MROH7: variants seen among roughly 807,000 people sequenced by gnomAD.
The protein encoded by MROH7 is maestro heat-like repeat-containing protein family member 7.
In MROH7, 113 loss-of-function variants were observed where a neutral mutation model predicts 129.2. The ratio of observed to expected loss-of-function variants is 0.87; its 90% CI spans 0.75 to 1.02. The LOEUF (loss-of-function observed/expected upper bound fraction) is 1.02. Ranked by LOEUF, MROH7 falls within the 50% of genes least tolerant of loss-of-function variation. MROH7 has a pLI of 0.00. For synonymous variants in MROH7, 655 were observed against 667.9 expected (o/e 0.98, Z 0.30); for missense variants, 1,601 against 1,671.3 (o/e 0.96, Z 0.73).
Position 54,679,933 on chromosome 1 carries a change from A to T in MROH7, c.2269A>T (p.Ile757Phe). 6.2e-7 allele frequency: 1 copy of T among 1,613,620 alleles called. No homozygotes were observed. Residue 757 changes from isoleucine (I) to phenylalanine (F), a missense_variant, in exon 13 of 24, where the codon ATC becomes TTC. Ile to Phe is a conservative substitution (Grantham distance 21). Transcript: ENST00000421030. ...MQGIYMQLSH[I>F]QEPRARQVAL... is the part of the protein sequence containing the mutation. The stretch of plus-strand genomic sequence containing the variant: ...AGGCATCTACATGCAGCTGAGCCAC[A>T]TCCAGGAGCCTCGGGCCCGCCAGGT...
chr1:54,699,193 CTTTCTT>C (rs1645390311), intron 17 of MROH7: 4 of 119,672 alleles, frequency 3.3e-5, no homozygotes, highest in Admixed American at 2.6e-4. Flanking sequence ...CTTTCTCTTT[CTTTCTT>C]TCTTTCTCTC....
chr1:54,691,925 A>G (rs1159318027), intron 15 of MROH7, among the ~76,000 whole-genome samples: 1 of 137,506 alleles, frequency 7.3e-6, no homozygotes, highest in Non-Finnish European at 1.5e-5. Context: ...TGCCAGGCAT[A>G]CAGTAGGATG....
chr1:54,699,148 T>G (rs568107729), intron 17 of MROH7: 7 of 96,838 alleles, frequency 7.2e-5, no homozygotes, highest in African/African-American at 2.3e-4. Flanking sequence ...CTTTCTTTCT[T>G]TCTTTCTTTC....
In MROH7 at chr1:54,702,618, C is replaced by G. The variant is rs368370793; in HGVS notation, c.3442-5C>G. 6.3e-7 allele frequency: 1 copy of G among 1,599,866 alleles called. No individual in the cohort carries two copies. The highest frequency in any genetic ancestry group is 8.5e-7 in the Non-Finnish European group (1 of 1,172,844). Reference sequence around the variant, plus strand: ...TTCTGATATTTTCTTCCTATTGGTTCCCAGAAGTGTGTGAAGACCCTGTTA... The same window carrying G: ...TTCTGATATTTTCTTCCTATTGGTTGCCAGAAGTGTGTGAAGACCCTGTTA... On this transcript the variant is annotated splice_polypyrimidine_tract_variant and splice_region_variant and intron_variant, in intron 20 of 23. Transcript: ENST00000421030.
intron 4 of MROH7, among the ~76,000 whole-genome samples, chr1:54,668,490 C>T (rs961236405): frequency 6.6e-6 from 1 of 152,264 alleles, no homozygotes; most frequent in African/African-American, 2.4e-5. Flanking sequence ...CAGAATGCCT[C>T]AATCTGACTT....
At position 54,706,437 on chromosome 1, in the gene MROH7, G is replaced by A. The variant is rs769734212; in HGVS notation, c.3567G>A (p.Val1189=). The A allele has an allele frequency of 6.2e-6, 10 of 1,608,570 alleles. No homozygotes were observed. The South Asian group carries it at 7.7e-5, about 12-fold the overall frequency. ...QTVAKICKCL[V]NTHRDSAFIF... is the part of the protein sequence containing the mutation. The stretch of plus-strand genomic sequence containing the variant: ...TTTGGGGTTTCTCTTTGTCCTAGGT[G>A]AACACCCACCGAGACAGCGCCTTCA... The change falls in exon 22 of 24, where the codon GTG becomes GTA. Residue 1189 remains valine, a splice_region_variant and synonymous_variant. Transcript: ENST00000421030.
chr1:54,706,364 C>T (rs763318131), intron 21 of MROH7, 71 bp from the exon 22 acceptor site: 4 of 1,142,554 alleles, frequency 3.5e-6, no homozygotes, highest in East Asian at 4.7e-5. Context: ...CCATTCCTAG[C>T]TTCAAGAAGG....
At chr1:54,672,843 C>T (rs371685488) in intron 7 of MROH7, among the ~76,000 whole-genome samples, 12 of 151,962 alleles carry the variant, frequency 7.9e-5, no homozygotes, top group Non-Finnish European at 1.3e-4. Flanking sequence ...GCTGGATCTC[C>T]GCTTCCCTCC....
chr1:54,656,923 A>G (rs1340423571), intron 3 of MROH7, among the ~76,000 whole-genome samples: 1 of 152,116 alleles, frequency 6.6e-6, no homozygotes, highest in African/African-American at 2.4e-5. Flanking sequence ...ACAATGACTC[A>G]TGCCTGTAAT....
At chr1:54,648,336 T>TTTTGTTTA (rs1644501629) in intron 1 of MROH7, among the ~76,000 whole-genome samples, 1 of 142,156 alleles carries the variant, frequency 7.0e-6, no homozygotes, top group South Asian at 2.3e-4. Context: ...TTGCATGCAA[T>TTTTGTTTA]TTTATTTATT....
At position 54,679,788 on chromosome 1, in the gene MROH7, G is replaced by C. The variant is rs538431198; in HGVS notation, c.2227-103G>C. Reference sequence around the variant, plus strand: ...CTCTCTCCTTTGGGCCTTCTCCCCTGTCCTCTAGCCTGTCACCCCCTTCCC... The same window carrying C: ...CTCTCTCCTTTGGGCCTTCTCCCCTCTCCTCTAGCCTGTCACCCCCTTCCC... On this transcript the variant is annotated intron_variant, in intron 12 of 23. Transcript: ENST00000421030. 2.6e-6 allele frequency: 3 copies of C among 1,167,168 alleles called. No homozygotes were observed. In the East Asian group the frequency reaches 7.1e-5, roughly 27 times the overall value. The allele number at this position is 1,167,168 out of a possible 1,614,324, so 72.3% of individuals were successfully genotyped here.
chr1:54,679,363 G>A lies in MROH7; in HGVS notation c.2150G>A (p.Arg717Lys). 1 of 1,614,144 alleles carries A rather than the reference G, an allele frequency of 6.2e-7. No homozygotes were observed. Among genetic ancestry groups the A allele is most frequent in the Non-Finnish European group, 8.5e-7 (1 of 1,180,038 alleles). Residue 717 changes from arginine (R) to lysine (K), a missense_variant, in exon 12 of 24, where the codon AGG becomes AAG. Physicochemically the swap from Arg to Lys is conservative, Grantham distance 26. Coordinates refer to ENST00000421030, the MANE Select transcript of MROH7 (RefSeq NM_001039464.4). Reference protein sequence around the residue: ...GSSEAPGKDSREMMQLASEVM... With the variant: ...GSSEAPGKDSKEMMQLASEVM... ...TCAGAGGCTCCAGGGAAGGACTCCA[G>A]GGAGATGATGCAGCTGGCCTCGGAG...
chr1:54,706,534 A>G lies in MROH7; in HGVS notation c.3664A>G (p.Ile1222Val). 6.2e-7 allele frequency: 1 copy of G among 1,610,044 alleles called. No homozygotes were observed. The highest frequency in any genetic ancestry group is 8.5e-7 in the Non-Finnish European group (1 of 1,176,966). Reference protein sequence around the residue: ...ASLRKCSVMFIGSLVPCMESI... With the variant: ...ASLRKCSVMFVGSLVPCMESI... ...CCTCCGGAAGTGCTCAGTCATGTTC[A>G]TAGGTAACCTGCCCTGGCATAAGTC... The change falls in exon 22 of 24, where the codon ATA (isoleucine) becomes GTA (valine). Residue 1222 changes from isoleucine to valine, a missense_variant. By Grantham distance (29) the Ile-to-Val change is conservative. Coordinates refer to ENST00000421030, the MANE Select transcript of MROH7 (RefSeq NM_001039464.4).
chr1:54,675,768 T>G (rs1168735971), intron 10 of MROH7, among the ~76,000 whole-genome samples: 2 of 151,482 alleles, frequency 1.3e-5, no homozygotes, highest in African/African-American at 2.4e-5. Flanking sequence ...TGGCTAAATT[T>G]TTTTTGTATT....
At chr1:54,665,297 C>A in intron 4 of MROH7, 57 bp downstream of exon 4, 1 of 1,410,428 alleles carries the variant, frequency 7.1e-7, no homozygotes, top group Non-Finnish European at 1.0e-6. Context: ...ATCCTGCCAA[C>A]CCCCTACCCC....
intron 11 of MROH7, 35 bp downstream of exon 11, chr1:54,678,889 G>C: frequency 1.3e-6 from 2 of 1,531,308 alleles, no homozygotes; most frequent in Non-Finnish European, 1.8e-6. Flanking sequence ...AGCGGAGGGT[G>C]GGGGGTGAGG....
intron 3 of MROH7, among the ~76,000 whole-genome samples, chr1:54,654,943 C>G (rs149962301): frequency 2.0e-3 from 300 of 151,672 alleles, no homozygotes; most frequent in Non-Finnish European, 3.6e-3. Context: ...GTCCATGCGC[C>G]AATACTATAT....
intron 3 of MROH7, among the ~76,000 whole-genome samples, chr1:54,658,178 G>A (rs1379131320): frequency 1.3e-5 from 2 of 151,978 alleles, no homozygotes; most frequent in Non-Finnish European, 2.9e-5. Context: ...CTCATATAAC[G>A]ACTTCATTCT....
chr1:54,648,376 A>ATTTTTTTT (rs566936628), intron 1 of MROH7, among the ~76,000 whole-genome samples: 6 of 141,020 alleles, frequency 4.3e-5, no homozygotes, highest in African/African-American at 1.6e-4. Flanking sequence ...TTATTTATTT[A>ATTTTTTTT]TTTTTTGAGA....
Sources: allele counts gnomAD v4.1 joint callset (sites outside exome capture counted in the v4.1 genomes callset), GRCh38; gene constraint gnomAD v4.1.1; transcripts MANE v1.5; gene names NCBI Gene and HGNC (gene_info 2026-07-23, HGNC 2026-07-21).